Variants in COL24A1 observed in about 807,000 individuals in gnomAD.
COL24A1 encodes collagen alpha-1(XXIV) chain.
A neutral mutation model predicts 253.9 loss-of-function variants in COL24A1; 224 were observed. The ratio of observed to expected loss-of-function variants is 0.88; its 90% confidence interval spans 0.79 to 0.99. The LOEUF (loss-of-function observed/expected upper bound fraction) is 0.99. Among genes scored for constraint, COL24A1 ranks in the 50% least tolerant of loss-of-function variants. The probability of loss-of-function intolerance (pLI) is 0.00; values close to 1 mark genes in which losing one functional copy is unlikely to be tolerated. For missense variants in COL24A1, 2,131 were observed against 2,068.5 expected (o/e 1.03, Z -0.59); for synonymous variants, 685 against 673.7 (o/e 1.02, Z -0.26).
At chr1:85,868,754 T>C in intron 36 of COL24A1, 28 bp downstream of exon 36, 1 of 1,456,682 alleles carries the variant, frequency 6.9e-7, no homozygotes, top group Non-Finnish European at 9.3e-7. Flanking sequence ...ACATCTATTT[T>C]ATATATAATC....
intron 22 of COL24A1, among the ~76,000 whole-genome samples, chr1:85,966,164 T>G (rs1475859607): frequency 6.6e-6 from 1 of 152,120 alleles, no homozygotes; most frequent in East Asian, 1.9e-4. Context: ...CAGGAACTGC[T>G]GGCGGGTCAT....
At chr1:86,148,552 A>G (rs1036791208) in intron 1 of COL24A1, among the ~76,000 whole-genome samples, 1 of 106,098 alleles carries the variant, frequency 9.4e-6, no homozygotes, top group African/African-American at 3.8e-5. Flanking sequence ...TCCTGTGCCC[A>G]TGTGTTTTCA....
At chr1:85,761,715 C>T (rs1300699557) in intron 53 of COL24A1, 149 bp from the exon 54 acceptor site, 4 of 691,118 alleles carry the variant, frequency 5.8e-6, no homozygotes. Flanking sequence ...AAGTTATATG[C>T]TGTGGTACTT....
intron 18 of COL24A1, among the ~76,000 whole-genome samples, chr1:86,018,579 G>T (rs1697206989): frequency 6.6e-6 from 1 of 152,164 alleles, no homozygotes; most frequent in African/African-American, 2.4e-5. Flanking sequence ...TTTCAGAAAA[G>T]CTGATTGACA....
intron 35 of COL24A1, among the ~76,000 whole-genome samples, chr1:85,874,259 T>G (rs2102588351): frequency 6.6e-6 from 1 of 152,188 alleles, no homozygotes; most frequent in South Asian, 2.1e-4. Flanking sequence ...TAGGTTTGGT[T>G]TTTTTTTAGA....
At chr1:85,988,828 A>G (rs949392525) in intron 19 of COL24A1, among the ~76,000 whole-genome samples, 16 of 152,250 alleles carry the variant, frequency 1.1e-4, no homozygotes, top group Admixed American at 7.2e-4. Context: ...GAATGCCTCG[A>G]CTCAGATTTA....
chr1:86,012,114 C>T (rs1422304594), intron 19 of COL24A1, among the ~76,000 whole-genome samples: 1 of 151,728 alleles, frequency 6.6e-6, no homozygotes, highest in Non-Finnish European at 1.5e-5. Context: ...CCACCATGCC[C>T]AGCCTTAAAA....
At chr1:86,111,093 G>A (rs1705540215) in intron 5 of COL24A1, among the ~76,000 whole-genome samples, 1 of 152,126 alleles carries the variant, frequency 6.6e-6, no homozygotes, top group Non-Finnish European at 1.5e-5. Flanking sequence ...TCTAGCTCCG[G>A]GTTTGCGGAT....
intron 55 of COL24A1, among the ~76,000 whole-genome samples, 157 bp downstream of exon 55, chr1:85,761,239 G>A (rs1666815222): frequency 6.6e-6 from 1 of 152,144 alleles, no homozygotes; most frequent in South Asian, 2.1e-4. Flanking sequence ...TGGATTTCAT[G>A]TTTGTGTAGC....
At chr1:85,807,121 T>C (rs1672058045) in intron 47 of COL24A1, among the ~76,000 whole-genome samples, 1 of 152,170 alleles carries the variant, frequency 6.6e-6, no homozygotes, top group Admixed American at 6.5e-5. Context: ...CCTACTCAAG[T>C]GCCTGGGAAC....
intron 45 of COL24A1, among the ~76,000 whole-genome samples, chr1:85,819,848 C>CTTTT (rs550894402): frequency 7.4e-6 from 1 of 135,884 alleles, no homozygotes; most frequent in African/African-American, 2.7e-5. Context: ...TTCTCTTTTC[C>CTTTT]TTTTTTTTTT....
chr1:85,877,791 T>C (rs908067505), intron 32 of COL24A1, among the ~76,000 whole-genome samples: 3 of 152,244 alleles, frequency 2.0e-5, no homozygotes, highest in African/African-American at 7.2e-5. Flanking sequence ...AAGTATCATA[T>C]ATTGTGCTAA....
intron 20 of COL24A1, among the ~76,000 whole-genome samples, chr1:85,985,939 C>T (rs996524175): frequency 6.6e-6 from 1 of 151,802 alleles, no homozygotes; most frequent in East Asian, 1.9e-4. Flanking sequence ...CAAATAACTT[C>T]TATTATAAAT....
chr1:86,066,924 G>A (rs1339460065), intron 7 of COL24A1, among the ~76,000 whole-genome samples: 2 of 152,068 alleles, frequency 1.3e-5, no homozygotes, highest in African/African-American at 2.4e-5. Flanking sequence ...GATCATCTGA[G>A]GTCAGTAGTT....
chr1:85,731,766 T>C (rs1390944998), intron 59 of COL24A1, among the ~76,000 whole-genome samples: 2 of 152,088 alleles, frequency 1.3e-5, no homozygotes, highest in African/African-American at 4.8e-5. Flanking sequence ...GAAAGTACAA[T>C]GTAAAAAATG....
At chr1:86,096,234 C>G (rs981300618) in intron 5 of COL24A1, among the ~76,000 whole-genome samples, 1 of 152,030 alleles carries the variant, frequency 6.6e-6, no homozygotes, top group African/African-American at 2.4e-5. Context: ...GATAACACAA[C>G]TTTTGAGTGA....
intron 43 of COL24A1, among the ~76,000 whole-genome samples, chr1:85,830,976 G>A (rs7535390): frequency 0.061 from 9,254 of 152,150 alleles, 976 homozygotes; most frequent in African/African-American, 0.21. Flanking sequence ...AGCAAAGTCA[G>A]TTGAAGGCTT....
rs1264698691 is a variant in COL24A1 at position 86,059,138 on chromosome 1, C to A, written c.1789G>T (p.Gly597Cys). The part of the protein sequence containing the change: ...PGFAGNIGSP[G>C]YPGRQGLAGP... ...TACTGCACCTGCCTGCCAGGGTAAC[C>A]GGGTGAACCAATATTACCAGCAAAT... The change falls in exon 9 of 60, where the codon GGT (glycine) becomes TGT (cysteine). Residue 597 changes from glycine (G) to cysteine (C), a missense_variant. Gly to Cys is a radical substitution (Grantham distance 159). Transcript: ENST00000370571. 1 of 1,610,094 alleles carries A rather than the reference C, an allele frequency of 6.2e-7. No individual in the cohort carries two copies.
chr1:86,040,149 C>G (rs976166672), intron 12 of COL24A1, among the ~76,000 whole-genome samples: 1 of 152,090 alleles, frequency 6.6e-6, no homozygotes, highest in Non-Finnish European at 1.5e-5. Flanking sequence ...ATGTGGTATA[C>G]AACATCATGT....
Sources: gnomAD v4.1 joint callset for allele counts (sites outside exome capture counted in the v4.1 genomes callset) on GRCh38, gnomAD v4.1.1 for gene constraint, MANE v1.5 for transcripts, NCBI Gene and HGNC (gene_info 2026-07-23, HGNC 2026-07-21) for gene names.